RETREG3: variants seen among roughly 807,000 people sequenced by gnomAD.
RETREG3 encodes the protein reticulophagy regulator family member 3, also known as reticulophagy regulator 3.
A neutral mutation model predicts 50.2 loss-of-function variants in RETREG3; 23 were observed. That is an observed-to-expected ratio of 0.46 (90% CI 0.33 to 0.65). The LOEUF (loss-of-function observed/expected upper bound fraction) is 0.65, where lower values mean the gene tolerates loss of function less well. Among genes scored for constraint, RETREG3 ranks in the 30% least tolerant of loss-of-function variants. The pLI is 0.02. For synonymous variants in RETREG3, 240 were observed against 234.4 expected (o/e 1.02, Z -0.22); for missense variants, 546 against 598.0 (o/e 0.91, Z 0.91).
At chr17:42,584,445 G>A (rs2093116758) in intron 6 of RETREG3, among the ~76,000 whole-genome samples, 2 of 152,110 alleles carry the variant, frequency 1.3e-5, no homozygotes, top group African/African-American at 4.8e-5. Flanking sequence ...TACAACCTCT[G>A]AGGCAGCAGT....
At chr17:42,592,016 C>T (rs749267370) in intron 2 of RETREG3, 40 bp downstream of exon 2, 2 of 1,523,530 alleles carry the variant, frequency 1.3e-6, no homozygotes, top group East Asian at 2.3e-5. Context: ...TAGGAAAGGC[C>T]ATCTTCAGTT....
intron 1 of RETREG3, among the ~76,000 whole-genome samples, chr17:42,605,906 G>A (rs973502835): frequency 2.7e-5 from 4 of 149,348 alleles, no homozygotes; most frequent in African/African-American, 5.0e-5. Context: ...TGGGAGAATC[G>A]CTTGAACTTA....
In RETREG3 at chr17:42,586,862, C is replaced by G. The variant is rs759525101; in HGVS notation, c.407G>C (p.Ser136Thr). The G allele has an allele frequency of 6.2e-7, 1 of 1,614,100 alleles. No individual in the cohort carries two copies. ...TACATGGTGGCAGAGCTCGGGCACG[C>G]TGAGCAACCGAGGGTGCACAAAGCC... ...SWGFVHPRLLSVPELCHHVAE... is the reference protein window; with the variant it reads ...SWGFVHPRLLTVPELCHHVAE... The change falls in exon 4 of 9, where the codon AGC (serine) becomes ACC (threonine). Residue 136 changes from serine (S) to threonine (T), a missense_variant. Ser to Thr is a moderately conservative substitution (Grantham distance 58). Coordinates refer to ENST00000309428, the MANE Select transcript of RETREG3 (RefSeq NM_178126.4).
At chr17:42,591,967 C>T in intron 2 of RETREG3, 89 bp downstream of exon 2, 1 of 1,143,056 alleles carries the variant, frequency 8.7e-7, no homozygotes, top group Non-Finnish European at 1.3e-6. Flanking sequence ...CAGCTCCATA[C>T]ACCTCCTCAT....
intron 1 of RETREG3, among the ~76,000 whole-genome samples, chr17:42,605,872 T>A (rs2093166981): frequency 6.6e-6 from 1 of 151,104 alleles, no homozygotes; most frequent in South Asian, 2.1e-4. Context: ...GTGCCTGTAA[T>A]CCCAGCTACT....
At chr17:42,608,081 A>C (rs559044373) in intron 1 of RETREG3, among the ~76,000 whole-genome samples, 1 of 152,338 alleles carries the variant, frequency 6.6e-6, no homozygotes, top group African/African-American at 2.4e-5. Context: ...AACAAATTTT[A>C]AGGGGAAAGC....
chr17:42,597,619 ATTTTTTTTTT>A (rs869223820), intron 1 of RETREG3, among the ~76,000 whole-genome samples: 2 of 14,372 alleles, frequency 1.4e-4, no homozygotes, highest in African/African-American at 3.6e-4. Context: ...ATATATATAT[ATTTTTTTTTT>A]TTTTTTTTTT....
chr17:42,590,695 G>A (rs1440064110), intron 2 of RETREG3, among the ~76,000 whole-genome samples: 2 of 151,930 alleles, frequency 1.3e-5, no homozygotes, highest in African/African-American at 2.4e-5. Flanking sequence ...CGCCAGGTGC[G>A]GTGCCTCACG....
At chr17:42,606,644 A>C (rs547168257) in intron 1 of RETREG3, among the ~76,000 whole-genome samples, 26 of 152,066 alleles carry the variant, frequency 1.7e-4, no homozygotes, top group African/African-American at 5.8e-4. Flanking sequence ...CCTCCTCAAA[A>C]AGAACAGCAT....
Position 42,581,664 on chromosome 17 carries a change from T to C in RETREG3, c.*149A>G. On this transcript the variant is annotated 3_prime_UTR_variant, in exon 9 of 9. Transcript: ENST00000309428. ...GTGGGAGGGGAGTGAGTGTCCTCTCTAAGGAGGCCTCTGAGCATCAGCCAG... is the reference window on the plus strand; with the variant it reads ...GTGGGAGGGGAGTGAGTGTCCTCTCCAAGGAGGCCTCTGAGCATCAGCCAG... The C allele has an allele frequency of 1.5e-6, 1 of 679,650 alleles. No individual in the cohort carries two copies. The highest frequency in any genetic ancestry group is 2.2e-5 in the South Asian group (1 of 45,626). The allele number at this position is 679,650 out of a possible 1,614,324, so 42.1% of individuals were successfully genotyped here.
At position 42,609,346 on chromosome 17, in the gene RETREG3, T is replaced by C. The variant is rs1318369099; in HGVS notation, c.-22A>G. ...CCATCTCCCCGCGGCAGCCACAACA[T>C]CCGGGGCCGTGGCCCGACAAGTCAC... On this transcript the variant is annotated 5_prime_UTR_variant, in exon 1 of 9. An upstream start codon of the reference 5' UTR is lost. Coordinates refer to ENST00000309428, the MANE Select transcript of RETREG3 (RefSeq NM_178126.4). 1.9e-6 allele frequency: 3 copies of C among 1,584,688 alleles called. No individual in the cohort carries two copies. The highest frequency in any genetic ancestry group is 2.7e-5 in the African/African-American group (2 of 74,314).
intron 3 of RETREG3, among the ~76,000 whole-genome samples, chr17:42,587,158 C>T (rs1489649059): frequency 5.3e-5 from 8 of 152,146 alleles, no homozygotes; most frequent in Admixed American, 5.2e-4. Flanking sequence ...GCTCCAAGGC[C>T]CTTTGTGCTT....
Position 42,601,794 on chromosome 17 carries a change from C to T in RETREG3, c.239+7292G>A, listed in dbSNP as rs937399990. Among the ~76,000 whole-genome samples, 9 of 151,112 alleles carry T rather than the reference C, an allele frequency of 6.0e-5. No individual in the cohort carries two copies. In the East Asian group the frequency reaches 1.6e-3, roughly 27 times the overall value. On this transcript the variant is annotated intron_variant, in intron 1 of 8. Coordinates refer to ENST00000309428, the MANE Select transcript of RETREG3 (RefSeq NM_178126.4). Reference sequence around the variant, plus strand: ...GATTACAGGCATGCGCCACCATGCCCGGCTGATTTGGCATTTTTAGTAGAG... The same window carrying T: ...GATTACAGGCATGCGCCACCATGCCTGGCTGATTTGGCATTTTTAGTAGAG...
At chr17:42,603,437 GA>G (rs1231683633) in intron 1 of RETREG3, among the ~76,000 whole-genome samples, 2 of 152,106 alleles carry the variant, frequency 1.3e-5, no homozygotes, top group Non-Finnish European at 2.9e-5. Context: ...AAATTCAAAG[GA>G]AAAATTAACC....
intron 1 of RETREG3, among the ~76,000 whole-genome samples, chr17:42,600,632 A>C (rs1232608854): frequency 1.3e-5 from 2 of 152,212 alleles, no homozygotes; most frequent in East Asian, 1.9e-4. Flanking sequence ...ATTGAAAAAA[A>C]TAATATTATG....
intron 1 of RETREG3, chr17:42,598,917 C>T (rs1191324335): frequency 1.3e-5 from 2 of 148,152 alleles, no homozygotes; most frequent in Non-Finnish European, 3.0e-5. Context: ...AGAAAACAGT[C>T]TTTTTTTTTT....
At chr17:42,597,804 A>G (rs1023726758) in intron 1 of RETREG3, among the ~76,000 whole-genome samples, 2 of 147,998 alleles carry the variant, frequency 1.4e-5, no homozygotes, top group South Asian at 2.1e-4. Flanking sequence ...TAATTTTTGT[A>G]TTTTTAGTAG....
Position 42,582,914 on chromosome 17 carries a change from T to C in RETREG3, c.811-108A>G, listed in dbSNP as rs561195380. The C allele has an allele frequency of 2.1e-6, 3 of 1,424,412 alleles. No individual in the cohort carries two copies. In the Admixed American group the frequency reaches 5.7e-5, roughly 27 times the overall value. The allele number at this position is 1,424,412 out of a possible 1,614,324, so 88.2% of individuals were successfully genotyped here. ...CATTAGTTATCCGAAGGCCATCAAA[T>C]CAATGTAACCAGGGATAGATGGTAA... is the stretch of plus-strand genomic sequence containing the variant. On this transcript the variant is annotated intron_variant, in intron 7 of 8. Transcript: ENST00000309428.
chr17:42,588,473 G>A (rs900477483), intron 2 of RETREG3, among the ~76,000 whole-genome samples: 2 of 151,714 alleles, frequency 1.3e-5, no homozygotes, highest in Non-Finnish European at 1.5e-5. Flanking sequence ...GCAGTGGCGT[G>A]ATCTCAGCTC....
Sources: gnomAD v4.1 joint callset for allele counts (sites outside exome capture counted in the v4.1 genomes callset) on GRCh38, gnomAD v4.1.1 for gene constraint, MANE v1.5 for transcripts, NCBI Gene and HGNC (gene_info 2026-07-23, HGNC 2026-07-21) for gene names.